The following DDX19B variants were observed in gnomAD, a reference collection of about 807,000 sequenced individuals.
DDX19B encodes the protein DEAD-box helicase 19B.
In DDX19B, 27 loss-of-function variants were observed where a neutral mutation model predicts 58.1. That is an observed-to-expected ratio of 0.46 (90% CI 0.34 to 0.64). The LOEUF (loss-of-function observed/expected upper bound fraction) is 0.64. DDX19B is among the 30% of genes least tolerant of loss of function. The probability of loss-of-function intolerance (pLI) is 0.01; values close to 1 mark genes in which losing one functional copy is unlikely to be tolerated. For missense variants in DDX19B, 399 were observed against 596.5 expected (o/e 0.67, Z 3.45); for synonymous variants, 187 against 214.4 (o/e 0.87, Z 1.12).
chr16:70,332,949 C>T lies in DDX19B; in HGVS notation c.1187-19C>T. 2 of 1,614,042 alleles carry T rather than the reference C, an allele frequency of 1.2e-6. No homozygotes were observed. The highest frequency in any genetic ancestry group is 1.1e-5 in the South Asian group (1 of 91,070). ...CTCCTGTCCTTAGTCCTCTCAGCCT[C>T]CAACTCTCCTTCCTGCAGGCATTGA... On this transcript the variant is annotated intron_variant, in intron 10 of 11. Transcript: ENST00000288071.
intron 5 of DDX19B, among the ~76,000 whole-genome samples, chr16:70,321,350 G>A (rs575123894): frequency 9.9e-5 from 15 of 152,150 alleles, no homozygotes; most frequent in Non-Finnish European, 2.2e-4. Context: ...GAACTCCTAC[G>A]CTCAAGCACG....
chr16:70,303,076 T>G (rs1396768434), intron 1 of DDX19B, among the ~76,000 whole-genome samples: 1 of 152,218 alleles, frequency 6.6e-6, no homozygotes, highest in African/African-American at 2.4e-5. Flanking sequence ...AAAGTAGGAT[T>G]GTTTTTGTTT....
chr16:70,294,743 G>A (rs1961157805), upstream of DDX19B: 8 of 964,842 alleles, frequency 8.3e-6, no homozygotes, highest in East Asian at 2.4e-4. Flanking sequence ...CGTCCCCTCA[G>A]CTGATTGGCT....
chr16:70,303,656 A>G (rs573706702), intron 1 of DDX19B, among the ~76,000 whole-genome samples: 75 of 152,098 alleles, frequency 4.9e-4, no homozygotes, highest in African/African-American at 1.7e-3. Context: ...TCTCAGGCTC[A>G]CGCCATTCTC....
At chr16:70,320,057 T>C (rs7192564) in intron 5 of DDX19B, among the ~76,000 whole-genome samples, 1,810 of 152,278 alleles carry the variant, frequency 0.012, 29 homozygotes, top group African/African-American at 0.041. Flanking sequence ...TATTACATGG[T>C]TTCATACTGA....
chr16:70,324,755 A>G, intron 6 of DDX19B, 68 bp downstream of exon 6: 1 of 1,487,394 alleles, frequency 6.7e-7, no homozygotes, highest in South Asian at 1.2e-5. Context: ...TTGATGGATT[A>G]AAAGACAAGC....
chr16:70,303,717 A>C (rs1486683906), intron 1 of DDX19B, among the ~76,000 whole-genome samples: 2 of 151,012 alleles, frequency 1.3e-5, no homozygotes, highest in Non-Finnish European at 3.0e-5. Context: ...CCACCACGCC[A>C]GGCTAATTTT....
upstream of DDX19B, among the ~76,000 whole-genome samples, chr16:70,291,144 T>A (rs770489960): frequency 1.3e-5 from 2 of 152,190 alleles, no homozygotes; most frequent in African/African-American, 4.8e-5. Flanking sequence ...ATTGAGCACT[T>A]AGTATACAGC....
intron 8 of DDX19B, among the ~76,000 whole-genome samples, 156 bp from the exon 9 acceptor site, chr16:70,329,675 A>C (rs914218718): frequency 1.3e-5 from 2 of 151,744 alleles, no homozygotes; most frequent in Non-Finnish European, 2.9e-5. Flanking sequence ...CTCTCCCCCA[A>C]CCCCTGTCCC....
upstream of DDX19B, among the ~76,000 whole-genome samples, chr16:70,290,467 C>T (rs1250420381): frequency 6.6e-6 from 1 of 151,924 alleles, no homozygotes; most frequent in Non-Finnish European, 1.5e-5. Flanking sequence ...GCGGAAGTTG[C>T]GGTGAGCCGA....
intron 9 of DDX19B, among the ~76,000 whole-genome samples, chr16:70,330,607 C>A (rs893360661): frequency 9.9e-5 from 15 of 151,950 alleles, no homozygotes; most frequent in Non-Finnish European, 2.2e-4. Flanking sequence ...AACAAACAAA[C>A]AAACAAAAAA....
intron 5 of DDX19B, 81 bp downstream of exon 5, chr16:70,317,669 T>C (rs555065311): frequency 7.6e-7 from 1 of 1,314,890 alleles, no homozygotes; most frequent in South Asian, 1.3e-5. Context: ...GCCAGCAAGG[T>C]GGCTTATGCC....
intron 2 of DDX19B, 97 bp from the exon 3 acceptor site, chr16:70,314,805 G>C (rs1164316357): frequency 7.5e-7 from 1 of 1,327,530 alleles, no homozygotes; most frequent in Non-Finnish European, 1.1e-6. Context: ...TGCTCCCCAG[G>C]CCTTTACAAA....
chr16:70,329,462 A>T lies in DDX19B; in HGVS notation c.778A>T (p.Ile260Phe). 1 of 1,613,900 alleles carries T rather than the reference A, an allele frequency of 6.2e-7. No individual in the cohort carries two copies. Among genetic ancestry groups the T allele is most frequent in the Non-Finnish European group, 8.5e-7 (1 of 1,179,894 alleles). ...TQGHQDQSIR[I>F]QRMLPRNCQM... The stretch of plus-strand genomic sequence containing the variant: ...GGGCCACCAAGATCAGAGCATCCGC[A>T]TCCAGAGGTAGGGATCTCGAGGGTG... The change falls in exon 8 of 12, where the codon ATC (isoleucine) becomes TTC (phenylalanine). Residue 260 changes from isoleucine (I) to phenylalanine (F), a missense_variant. Physicochemically the swap from Ile to Phe is conservative, Grantham distance 21. Around this residue, in one of 4 missense-constraint regions of DDX19B, gnomAD observed 198 missense variants for 345.9 expected, o/e 0.57. Transcript: ENST00000288071.
chr16:70,333,799 C>T lies in DDX19B; in HGVS notation c.*217C>T. The T allele has an allele frequency of 1.5e-6, 1 of 657,732 alleles. No homozygotes were observed. The highest frequency in any genetic ancestry group is 2.0e-5 in the South Asian group (1 of 51,178). The allele number at this position is 657,732 out of a possible 1,614,324, so 40.7% of individuals were successfully genotyped here. On this transcript the variant is annotated 3_prime_UTR_variant, in exon 12 of 12. Transcript: ENST00000288071. ...ATTTACACAACCTTGGAAGATTAGG[C>T]ATGAATACACAGAGATTTACCTTTT...
chr16:70,294,072 A>ATTTT (rs35683856), upstream of DDX19B, among the ~76,000 whole-genome samples: 5 of 63,098 alleles, frequency 7.9e-5, no homozygotes, highest in Non-Finnish European at 8.2e-5. Flanking sequence ...GAGAGCCTGA[A>ATTTT]TTTTTTTTTT....
chr16:70,322,891 CAA>C (rs113261271), intron 5 of DDX19B, among the ~76,000 whole-genome samples: 6 of 48,152 alleles, frequency 1.2e-4, no homozygotes, highest in Middle Eastern at 0.014. Context: ...AACTCCGTTG[CAA>C]AAAAAAAAAA....
upstream of DDX19B, among the ~76,000 whole-genome samples, chr16:70,290,945 G>A (rs923962044): frequency 1.3e-5 from 2 of 152,074 alleles, no homozygotes; most frequent in Non-Finnish European, 2.9e-5. Context: ...CCAAATACAC[G>A]GGTAATAAAT....
chr16:70,290,183 A>C (rs1961023988), upstream of DDX19B, among the ~76,000 whole-genome samples: 1 of 152,110 alleles, frequency 6.6e-6, no homozygotes, highest in Admixed American at 6.6e-5. Flanking sequence ...TGGGAAGATC[A>C]CCTGAACCCA....
Sources: gnomAD v4.1 joint callset for allele counts (sites outside exome capture counted in the v4.1 genomes callset) on GRCh38, gnomAD v4.1.1 for gene constraint, gnomAD v4.1.1 regional missense constraint, MANE v1.5 for transcripts, NCBI Gene and HGNC (gene_info 2026-07-23, HGNC 2026-07-21) for gene names.